The following IGSF9B variants were observed in gnomAD, a reference collection of about 807,000 sequenced individuals.
The protein encoded by IGSF9B is immunoglobulin superfamily member 9B.
In IGSF9B, 48 loss-of-function variants were observed where a neutral mutation model predicts 143.7. That is an observed-to-expected ratio of 0.33 (90% CI 0.26 to 0.42). The LOEUF is 0.42. Ranked by LOEUF, IGSF9B falls within the 20% of genes least tolerant of loss-of-function variation. The pLI is 1.00. For synonymous variants in IGSF9B, 903 were observed against 833.1 expected (o/e 1.08, Z -1.44); for missense variants, 1,706 against 1,980.0 (o/e 0.86, Z 2.63).
In IGSF9B at chr11:133,899,166, G is replaced by A. The variant is rs1939074023; in HGVS notation, c.*9903C>T. ...CAAAATTCAATGTCCATTCTGCTGT[G>A]GGGACCAAGGAACGTGTCCCAAGCA... On this transcript the variant is annotated 3_prime_UTR_variant, in exon 20 of 20. Transcript: ENST00000533871. 6.6e-6 allele frequency: 1 copy of A among 152,256 alleles called. No individual in the cohort carries two copies. Among genetic ancestry groups the A allele is most frequent in the South Asian group, 2.1e-4 (1 of 4,826 alleles). 9.4% of individuals were successfully genotyped at this position (152,256 alleles called of 1,614,324 possible). A position where few individuals can be genotyped will look rare whatever the true frequency, so the allele number is the denominator to read the frequency against.
chr11:133,901,923 C>T lies in IGSF9B; in HGVS notation c.*7146G>A, dbSNP rs1417163016. 9.4e-6 allele frequency among the ~76,000 whole-genome samples: 1 copy of T among 106,038 alleles called. No individual in the cohort carries two copies. The highest frequency in any genetic ancestry group is 2.1e-5 in the Non-Finnish European group (1 of 47,680). 69.6% of individuals were successfully genotyped at this position (106,038 alleles called of 152,430 possible). On this transcript the variant is annotated 3_prime_UTR_variant, in exon 20 of 20. Coordinates refer to ENST00000533871, the MANE Select transcript of IGSF9B (RefSeq NM_001277285.4). ...CACAACACACCACACACAACACACA[C>T]CAAACCACACAACACACACACACAT...
intron 11 of IGSF9B, among the ~76,000 whole-genome samples, chr11:133,930,456 G>C (rs1939701341): frequency 6.6e-6 from 1 of 152,178 alleles, no homozygotes; most frequent in Non-Finnish European, 1.5e-5. Flanking sequence ...ATAGCCGTCA[G>C]GACCCAGAAG....
chr11:133,946,120 G>C lies in IGSF9B; in HGVS notation c.203C>G (p.Pro68Arg). The C allele has an allele frequency of 6.2e-7, 1 of 1,610,428 alleles. No homozygotes were observed. The highest frequency in any genetic ancestry group is 1.3e-5 in the African/African-American group (1 of 74,934). ...YVVEWFKFGVPIPIFIKFGYY... is the reference protein window; with the variant it reads ...YVVEWFKFGVRIPIFIKFGYY... ...GCCAAACTTGATGAAGATAGGGATGGGGACCCCGAACTTGAACCACTCTAC... is the reference window on the plus strand; with the variant it reads ...GCCAAACTTGATGAAGATAGGGATGCGGACCCCGAACTTGAACCACTCTAC... The change falls in exon 2 of 20, where the codon CCC (proline) becomes CGC (arginine). Residue 68 changes from proline (P) to arginine (R), a missense_variant. By Grantham distance (103) the Pro-to-Arg change is moderately radical. Around this residue, in one of 7 missense-constraint regions of IGSF9B, gnomAD observed 171 missense variants for 213.9 expected, o/e 0.80. Coordinates refer to ENST00000533871, the MANE Select transcript of IGSF9B (RefSeq NM_001277285.4).
chr11:133,916,460 A>C (rs1395975772), intron 18 of IGSF9B, among the ~76,000 whole-genome samples: 2 of 152,182 alleles, frequency 1.3e-5, no homozygotes, highest in African/African-American at 4.8e-5. Context: ...CAGAGCCTGC[A>C]TCTCCCCAGG....
At chr11:133,954,512 G>A (rs1940216335) in intron 1 of IGSF9B, among the ~76,000 whole-genome samples, 1 of 152,120 alleles carries the variant, frequency 6.6e-6, no homozygotes, top group South Asian at 2.1e-4. Context: ...TGGAATCCCA[G>A]GGACACTGAG....
chr11:133,921,426 G>A, intron 17 of IGSF9B, 29 bp from the exon 18 acceptor site: 1 of 1,447,900 alleles, frequency 6.9e-7, no homozygotes, highest in Non-Finnish European at 9.1e-7. Flanking sequence ...GCCGGGAGGG[G>A]ATGAGGTGGG....
rs1254076873 is a variant in IGSF9B, at chr11:133,925,725, A to G, written c.2034+14T>C. 1 of 1,607,060 alleles carries G rather than the reference A, an allele frequency of 6.2e-7. No homozygotes were observed. On this transcript the variant is annotated intron_variant, in intron 14 of 19. Coordinates refer to ENST00000533871, the MANE Select transcript of IGSF9B (RefSeq NM_001277285.4). ...GATTTGGGAAGCAGCAGCAAGGAAG[A>G]GCAAAGCCCTCACCTGTGACAGATC...
At chr11:133,923,773 C>A (rs1011529788) in intron 15 of IGSF9B, among the ~76,000 whole-genome samples, 1 of 152,238 alleles carries the variant, frequency 6.6e-6, no homozygotes, top group Non-Finnish European at 1.5e-5. Flanking sequence ...AAGTGTCTGA[C>A]GAGGCACATT....
intron 4 of IGSF9B, 43 bp from the exon 5 acceptor site, chr11:133,937,536 C>G: frequency 1.4e-6 from 2 of 1,460,068 alleles, no homozygotes; most frequent in East Asian, 2.3e-5. Flanking sequence ...CACGCTCACA[C>G]CCACCGCTGC....
chr11:133,950,174 A>G (rs567135917), intron 1 of IGSF9B, among the ~76,000 whole-genome samples: 3 of 152,182 alleles, frequency 2.0e-5, no homozygotes, highest in African/African-American at 7.2e-5. Context: ...GGCACAGCCC[A>G]TGTCTAGCAC....
chr11:133,902,015 A>AC lies in IGSF9B; in HGVS notation c.*7053_*7054insG, dbSNP rs201561857. Among the ~76,000 whole-genome samples, 1 of 123,398 alleles carries AC rather than the reference A, an allele frequency of 8.1e-6. No individual in the cohort carries two copies. Among genetic ancestry groups the AC allele is most frequent in the African/African-American group, 3.5e-5 (1 of 28,174 alleles). The allele number at this position is 123,398 out of a possible 152,430, so 81.0% of individuals were successfully genotyped here. A position where few individuals can be genotyped will look rare whatever the true frequency, so the allele number is the denominator to read the frequency against. ...CATCACACACACACACACACCAGACATACACACACCATACCACACACCACA... is the reference window on the plus strand; with the variant it reads ...CATCACACACACACACACACCAGACACTACACACACCATACCACACACCACA... On this transcript the variant is annotated 3_prime_UTR_variant, in exon 20 of 20. Transcript: ENST00000533871.
chr11:133,904,504 G>A lies in IGSF9B; in HGVS notation c.*4565C>T, dbSNP rs1245592783. On this transcript the variant is annotated 3_prime_UTR_variant, in exon 20 of 20. Transcript: ENST00000533871. ...AGACCTCTCCCAAGATCCAGTCTGCGTTCACATGCAGGACCCCACCCCACA... is the reference window on the plus strand; with the variant it reads ...AGACCTCTCCCAAGATCCAGTCTGCATTCACATGCAGGACCCCACCCCACA... Among the ~76,000 whole-genome samples the A allele has an allele frequency of 3.3e-5, 5 of 152,144 alleles. No individual in the cohort carries two copies. The highest frequency in any genetic ancestry group is 7.2e-5 in the African/African-American group (3 of 41,432).
intron 11 of IGSF9B, among the ~76,000 whole-genome samples, chr11:133,930,360 T>A (rs2121308318): frequency 6.6e-6 from 1 of 152,230 alleles, no homozygotes; most frequent in South Asian, 2.1e-4. Flanking sequence ...CCTCCCGAGT[T>A]GTGAAGGACG....
At position 133,908,246 on chromosome 11, in the gene IGSF9B, G is replaced by A. The variant is rs969743350; in HGVS notation, c.*823C>T. Among the ~76,000 whole-genome samples, 1 of 152,182 alleles carries A rather than the reference G, an allele frequency of 6.6e-6. No homozygotes were observed. The highest frequency in any genetic ancestry group is 2.4e-5 in the African/African-American group (1 of 41,452). ...CACGCTGGAAGGAAGAAAGATGCAG[G>A]TCTAGGAGCCTGGCCACCCCTTCTT... On this transcript the variant is annotated 3_prime_UTR_variant, in exon 20 of 20. Transcript: ENST00000533871.
intron 1 of IGSF9B, 71 bp from the exon 2 acceptor site, chr11:133,946,329 C>A: frequency 1.5e-6 from 2 of 1,378,234 alleles, no homozygotes; most frequent in Non-Finnish European, 2.0e-6. Context: ...GCCCCATGTC[C>A]GTGTCACAGG....
At chr11:133,940,670 C>T (rs1010116774) in intron 3 of IGSF9B, among the ~76,000 whole-genome samples, 8 of 144,152 alleles carry the variant, frequency 5.5e-5, no homozygotes, top group Non-Finnish European at 1.1e-4. Context: ...ACACCTCGCA[C>T]GTCCTCGCAC....
chr11:133,925,639 TCA>T, intron 14 of IGSF9B, 98 bp downstream of exon 14: 1 of 901,710 alleles, frequency 1.1e-6, no homozygotes, highest in East Asian at 2.6e-5. Flanking sequence ...GTGGCTGGCC[TCA>T]CACACCCAAA....
rs574632179 is a variant in IGSF9B at position 133,945,710 on chromosome 11, G to T, written c.262+351C>A. 7.2e-5 allele frequency among the ~76,000 whole-genome samples: 11 copies of T among 152,294 alleles called. No homozygotes were observed. In the East Asian group the frequency reaches 1.7e-3, roughly 24 times the overall value. Reference sequence around the variant, plus strand: ...CGACTTCAGAGCCAAGAGGAAAGGGGTGGGTGCGGCCAAGCAGGGAGAGCC... The same window carrying T: ...CGACTTCAGAGCCAAGAGGAAAGGGTTGGGTGCGGCCAAGCAGGGAGAGCC... On this transcript the variant is annotated intron_variant, in intron 2 of 19. Coordinates refer to ENST00000533871, the MANE Select transcript of IGSF9B (RefSeq NM_001277285.4). The surrounding 1 kb of genome is among the most constrained non-coding windows in gnomAD (Gnocchi z 4.6).
At chr11:133,936,840 C>G (rs541759128) in intron 5 of IGSF9B, among the ~76,000 whole-genome samples, 1 of 152,200 alleles carries the variant, frequency 6.6e-6, no homozygotes, top group Non-Finnish European at 1.5e-5. Context: ...AGAGACCCCC[C>G]GACCGGGACG....
Sources: allele counts gnomAD v4.1 joint callset (sites outside exome capture counted in the v4.1 genomes callset), GRCh38; gene constraint gnomAD v4.1.1; regional missense constraint gnomAD v4.1.1; non-coding constraint Gnocchi (gnomAD v3.1); transcripts MANE v1.5; gene names NCBI Gene and HGNC (gene_info 2026-07-23, HGNC 2026-07-21).